Variants in STIM2 observed in about 807,000 individuals in gnomAD.
STIM2 encodes stromal interaction molecule 2.
Under a neutral mutation model 85.8 loss-of-function variants are expected in STIM2, and 31 were observed. The observed-to-expected ratio is 0.36, with a 90% CI of 0.27 to 0.49. The LOEUF is 0.49. Among genes scored for constraint, STIM2 ranks in the 20% least tolerant of loss-of-function variants. The pLI is 0.98. For missense variants in STIM2, 841 were observed against 927.6 expected, an observed-to-expected ratio of 0.91 and a Z score of 1.21; for synonymous variants, 356 against 331.1, an observed-to-expected ratio of 1.08 and a Z score of -0.82.
intron 2 of STIM2, among the ~76,000 whole-genome samples, chr4:26,957,282 A>G (rs1726280728): frequency 6.6e-6 from 1 of 152,142 alleles, no homozygotes; most frequent in Non-Finnish European, 1.5e-5. Context: ...AATATTTTCA[A>G]TCCCACGAAT....
chr4:26,965,134 T>C lies in STIM2; in HGVS notation c.397+7408T>C, dbSNP rs556296563. Among the ~76,000 whole-genome samples the C allele has an allele frequency of 2.6e-5, 4 of 152,238 alleles. No homozygotes were observed. The South Asian group carries it at 8.3e-4, about 32-fold the overall frequency. On this transcript the variant is annotated intron_variant, in intron 3 of 11. Transcript: ENST00000467087. The stretch of plus-strand genomic sequence containing the variant: ...TCTTATTATAGCCACAGTGGAGGGA[T>C]TGAGTTTTAATTGTTCACAGAAAGC...
At chr4:26,967,650 CTTCT>C (rs993144883) in intron 3 of STIM2, among the ~76,000 whole-genome samples, 29 of 152,236 alleles carry the variant, frequency 1.9e-4, no homozygotes, top group African/African-American at 6.7e-4. Context: ...ATTTTGCTTC[CTTCT>C]TTGTCTGCCT....
At chr4:26,972,309 G>C (rs1181657636) in intron 3 of STIM2, among the ~76,000 whole-genome samples, 1 of 152,120 alleles carries the variant, frequency 6.6e-6, no homozygotes, top group Non-Finnish European at 1.5e-5. Flanking sequence ...GGGCGTCCTT[G>C]TCTTGTGCTG....
intron 1 of STIM2, among the ~76,000 whole-genome samples, chr4:26,878,992 G>T (rs1279660222): frequency 6.6e-6 from 1 of 152,154 alleles, no homozygotes; most frequent in Non-Finnish European, 1.5e-5. Context: ...GTCAGATTTG[G>T]GTGGGGACAC....
At chr4:26,893,209 TTC>T (rs1723560194) in intron 1 of STIM2, among the ~76,000 whole-genome samples, 1 of 152,182 alleles carries the variant, frequency 6.6e-6, no homozygotes, top group Non-Finnish European at 1.5e-5. Flanking sequence ...TTAAACCACC[TTC>T]AGGTCATGAA....
At chr4:26,974,854 C>A (rs560643423) in intron 3 of STIM2, among the ~76,000 whole-genome samples, 2 of 152,142 alleles carry the variant, frequency 1.3e-5, no homozygotes, top group African/African-American at 2.4e-5. Context: ...GTCCATTCCC[C>A]CCATCACTTT....
intron 3 of STIM2, among the ~76,000 whole-genome samples, chr4:26,982,505 G>C (rs1362891491): frequency 1.3e-5 from 2 of 151,950 alleles, no homozygotes; most frequent in Admixed American, 1.3e-4. Flanking sequence ...TAAGGATTAA[G>C]GATATTCTTT....
intron 2 of STIM2, among the ~76,000 whole-genome samples, chr4:26,946,664 C>G (rs1355930984): frequency 6.6e-6 from 1 of 152,244 alleles, no homozygotes; most frequent in Non-Finnish European, 1.5e-5. Context: ...TATCCCTTTC[C>G]TTTTGCTTCC....
chr4:26,891,147 T>G (rs944055916), intron 1 of STIM2, among the ~76,000 whole-genome samples: 1 of 152,258 alleles, frequency 6.6e-6, no homozygotes, highest in African/African-American at 2.4e-5. Flanking sequence ...TGGTCTGTGG[T>G]GTCCAGTTGT....
At chr4:26,930,575 C>G (rs1019945559) in intron 2 of STIM2, among the ~76,000 whole-genome samples, 1 of 152,006 alleles carries the variant, frequency 6.6e-6, no homozygotes, top group Non-Finnish European at 1.5e-5. Flanking sequence ...TTCAGTATTC[C>G]TTATGTTACA....
intron 2 of STIM2, among the ~76,000 whole-genome samples, chr4:26,954,674 A>G (rs1224588226): frequency 6.8e-6 from 1 of 148,132 alleles, no homozygotes; most frequent in African/African-American, 2.6e-5. Flanking sequence ...AATCAGAATT[A>G]TATGCTTTTT....
rs1410817385 is a variant in STIM2, at chr4:26,861,240, G to A, written c.22G>A (p.Val8Ile). The A allele has an allele frequency of 2.0e-6, 3 of 1,494,100 alleles. No homozygotes were observed. The highest frequency in any genetic ancestry group is 1.8e-6 in the Non-Finnish European group (2 of 1,129,216). The allele number at this position is 1,494,100 out of a possible 1,614,324, so 92.6% of individuals were successfully genotyped here. The change falls in exon 1 of 12, where the codon GTA (valine) becomes ATA (isoleucine). Residue 8 changes from valine (V) to isoleucine (I), a missense_variant. By Grantham distance (29) the Val-to-Ile change is conservative. Transcript: ENST00000467087. Reference sequence around the variant, plus strand: ...TGCGTTGCTGGTGCTCGGGCTGCTGGTAGCCGGAGCGGCGGACGGATGCGA... The same window carrying A: ...TGCGTTGCTGGTGCTCGGGCTGCTGATAGCCGGAGCGGCGGACGGATGCGA...
chr4:26,892,262 A>G (rs894466381), intron 1 of STIM2, among the ~76,000 whole-genome samples: 2 of 152,234 alleles, frequency 1.3e-5, no homozygotes, highest in African/African-American at 4.8e-5. Flanking sequence ...TTAAACATCA[A>G]ACATTTATTT....
chr4:26,984,807 CT>C (rs1251790689), intron 3 of STIM2, among the ~76,000 whole-genome samples: 3 of 152,216 alleles, frequency 2.0e-5, no homozygotes, highest in African/African-American at 7.2e-5. Flanking sequence ...TCAGTGTCCC[CT>C]GTACCACTGT....
At chr4:26,986,636 G>A (rs943210105) in intron 3 of STIM2, among the ~76,000 whole-genome samples, 3 of 152,094 alleles carry the variant, frequency 2.0e-5, no homozygotes, top group Non-Finnish European at 2.9e-5. Flanking sequence ...ATTCTCTTCC[G>A]ATACCACTGT....
At chr4:26,865,570 T>C (rs1392551341) in intron 1 of STIM2, among the ~76,000 whole-genome samples, 1 of 152,206 alleles carries the variant, frequency 6.6e-6, no homozygotes, top group East Asian at 1.9e-4. Flanking sequence ...ATGATAATTG[T>C]GGTGTGAACA....
At chr4:26,867,538 A>G (rs1722453643) in intron 1 of STIM2, among the ~76,000 whole-genome samples, 2 of 152,236 alleles carry the variant, frequency 1.3e-5, no homozygotes, top group East Asian at 3.8e-4. Context: ...GTGTTTCCAG[A>G]TTAAACTAAA....
intron 3 of STIM2, among the ~76,000 whole-genome samples, chr4:26,969,134 C>T (rs1347907697): frequency 3.3e-5 from 5 of 152,176 alleles, no homozygotes; most frequent in African/African-American, 1.2e-4. Flanking sequence ...CAGAATAATT[C>T]TCCATTGCTG....
intron 1 of STIM2, among the ~76,000 whole-genome samples, chr4:26,907,569 G>C (rs991997418): frequency 6.6e-6 from 1 of 152,066 alleles, no homozygotes; most frequent in East Asian, 1.9e-4. Context: ...TACATTTTCT[G>C]CTTTGATGTT....
Sources: allele counts gnomAD v4.1 joint callset (sites outside exome capture counted in the v4.1 genomes callset), GRCh38; gene constraint gnomAD v4.1.1; transcripts MANE v1.5; gene names NCBI Gene and HGNC (gene_info 2026-07-23, HGNC 2026-07-21).